FGF11: variants seen among roughly 807,000 people sequenced by gnomAD.
The protein encoded by FGF11 is fibroblast growth factor homologous factor 3.
FGF11 carries 25 observed loss-of-function variants against 25.1 expected under a neutral mutation model. That is an observed-to-expected ratio of 1.00 (90% CI 0.73 to 1.39). The LOEUF (loss-of-function observed/expected upper bound fraction) is 1.39, where lower values mean the gene tolerates loss of function less well. Among genes scored for constraint, FGF11 ranks in the 40% most tolerant of loss-of-function variants. The pLI is 0.00. For synonymous variants in FGF11, 130 were observed against 128.9 expected (o/e 1.01, Z -0.06); for missense variants, 320 against 311.0 (o/e 1.03, Z -0.22).
At position 7,442,580 on chromosome 17, in the gene FGF11, C is replaced by G. The variant is rs766772756; in HGVS notation, c.409-14C>G. 7 of 1,613,996 alleles carry G rather than the reference C, an allele frequency of 4.3e-6. No homozygotes were observed. Among genetic ancestry groups the G allele is most frequent in the African/African-American group, 1.3e-5 (1 of 75,034 alleles). ...TCTGTCTTTGTGCGCCTTTCTGGGT[C>G]TTTGTCTCCTTAGCCGCATTTCACA... On this transcript the variant is annotated splice_polypyrimidine_tract_variant and intron_variant, in intron 3 of 4. Coordinates refer to ENST00000293829, the MANE Select transcript of FGF11 (RefSeq NM_004112.4).
rs772444088 is a variant in FGF11, at chr17:7,441,500, CTG to C, written c.225_226del (p.Phe76LeufsTer54). The C allele has an allele frequency of 6.2e-7, 1 of 1,614,174 alleles. No homozygotes were observed. The highest frequency in any genetic ancestry group is 1.3e-5 in the African/African-American group (1 of 75,034). On this transcript the variant is annotated frameshift_variant, in exon 2 of 5. Transcript: ENST00000293829. LOFTEE classifies it high-confidence loss of function. Reference protein sequence around the residue: ...EPQLKGIVTKLFCRQGFYLQA... With the variant: ...EPQLKGIVTKXFCRQGFYLQA... ...TCAGCTCAAAGGCATCGTCACCAAACTGTTCTGCCGCCAGGGTTTCTACCTCC... is the reference window on the plus strand; with the variant it reads ...TCAGCTCAAAGGCATCGTCACCAAACTTCTGCCGCCAGGGTTTCTACCTCC...
At chr17:7,439,304 T>G, upstream of FGF11, 1 of 269,830 alleles carries the variant, frequency 3.7e-6, no homozygotes, top group East Asian at 6.6e-5. Flanking sequence ...TTGGGATAGG[T>G]GAAGTGAGGA....
intron 1 of FGF11, chr17:7,441,173 T>A: frequency 9.0e-6 from 3 of 332,320 alleles, no homozygotes; most frequent in Non-Finnish European, 1.7e-5. Context: ...CTCCCCTCCC[T>A]CCTCCCCCAC....
rs370633127 is a variant in FGF11, at chr17:7,441,538, C to T, written c.261C>T (p.Pro87=). Residue 87 remains proline, a synonymous_variant, in exon 2 of 5, where the codon CCC becomes CCT. Transcript: ENST00000293829. ...CRQGFYLQAN[P]DGSIQGTPED... ...AGGGTTTCTACCTCCAGGCGAATCC[C>T]GACGGAAGCATCCAGGGCACCCCAG... The T allele has an allele frequency of 5.4e-5, 87 of 1,614,026 alleles. No individual in the cohort carries two copies. The highest frequency in any genetic ancestry group is 2.2e-4 in the Admixed American group (13 of 60,006).
At position 7,444,924 on chromosome 17, in the gene FGF11, T is replaced by G; in HGVS notation, c.*1778T>G. On this transcript the variant is annotated 3_prime_UTR_variant, in exon 5 of 5. Coordinates refer to ENST00000293829, the MANE Select transcript of FGF11 (RefSeq NM_004112.4). The stretch of plus-strand genomic sequence containing the variant: ...CTCCAGCTTTCTCAATTAAAGACGA[T>G]TTATACAACTGAAGTGCTGTCTGTC... 2 of 619,800 alleles carry G rather than the reference T, an allele frequency of 3.2e-6. No homozygotes were observed. The highest frequency in any genetic ancestry group is 5.7e-6 in the Non-Finnish European group (2 of 351,964). The allele number at this position is 619,800 out of a possible 1,614,324, so 38.4% of individuals were successfully genotyped here. A position where few individuals can be genotyped will look rare whatever the true frequency, so the allele number is the denominator to read the frequency against.
intron 4 of FGF11, 77 bp from the exon 5 acceptor site, chr17:7,442,999 T>C: frequency 3.1e-6 from 4 of 1,284,798 alleles, no homozygotes; most frequent in South Asian, 2.5e-5. Flanking sequence ...AAGGGAGCCC[T>C]TTTGGAGCAC....
chr17:7,439,277 T>G, upstream of FGF11: 13 of 211,916 alleles, frequency 6.1e-5, no homozygotes, highest in Middle Eastern at 1.6e-3. Flanking sequence ...GTCTTGGAAA[T>G]TTAGTGGGTC....
In FGF11 at chr17:7,440,063, G is replaced by T; in HGVS notation, c.193+250G>T. 2.6e-6 allele frequency: 1 copy of T among 387,328 alleles called. No individual in the cohort carries two copies. The highest frequency in any genetic ancestry group is 2.1e-5 in the African/African-American group (1 of 48,212). The allele number at this position is 387,328 out of a possible 1,614,324, so 24.0% of individuals were successfully genotyped here. ...TGCCTGGCGCCCCGAAAGCCTCGTA[G>T]TTCCTGCTCGTCCCCCCTTCCCAAC... On this transcript the variant is annotated intron_variant, in intron 1 of 4. Coordinates refer to ENST00000293829, the MANE Select transcript of FGF11 (RefSeq NM_004112.4). The surrounding 1 kb of genome is among the most constrained non-coding windows in gnomAD (Gnocchi z 5.4).
intron 3 of FGF11, 138 bp downstream of exon 3, chr17:7,442,017 CA>C (rs1908352533): frequency 1.6e-6 from 1 of 641,208 alleles, no homozygotes; most frequent in Non-Finnish European, 2.6e-6. Context: ...GATGGCCTGT[CA>C]TCGCTGCCCA....
Position 7,443,399 on chromosome 17 carries a change from T to C in FGF11, c.*253T>C. On this transcript the variant is annotated 3_prime_UTR_variant, in exon 5 of 5. Transcript: ENST00000293829. ...AAGATGGTCCTGGCTGATCACTTCT[T>C]TCTTTCCACACTCACACAACGCCAT... 2.3e-6 allele frequency: 1 copy of C among 443,888 alleles called. No homozygotes were observed. The highest frequency in any genetic ancestry group is 4.0e-6 in the Non-Finnish European group (1 of 250,204). The allele number at this position is 443,888 out of a possible 1,614,324, so 27.5% of individuals were successfully genotyped here.
At position 7,440,674 on chromosome 17, in the gene FGF11, G is replaced by T; in HGVS notation, c.194-797G>T. On this transcript the variant is annotated intron_variant, in intron 1 of 4. Coordinates refer to ENST00000293829, the MANE Select transcript of FGF11 (RefSeq NM_004112.4). This position sits in a 1 kb window ranked among gnomAD's most constrained non-coding sequence, Gnocchi z 5.4. ...TCCCGCCCGCTCCCAGCTCCCCTAA[G>T]GGTAGCCACCTCGCGCCCTCCTCCC... 1.0e-6 allele frequency: 1 copy of T among 985,982 alleles called. No homozygotes were observed. The highest frequency in any genetic ancestry group is 1.2e-6 in the Non-Finnish European group (1 of 830,508). 61.1% of individuals were successfully genotyped at this position (985,982 alleles called of 1,614,324 possible). A position where few individuals can be genotyped will look rare whatever the true frequency, so the allele number is the denominator to read the frequency against.
rs1908280113 is a variant in FGF11 at position 7,440,673 on chromosome 17, A to C, written c.194-798A>C. On this transcript the variant is annotated intron_variant, in intron 1 of 4. Transcript: ENST00000293829. This position sits in a 1 kb window ranked among gnomAD's most constrained non-coding sequence, Gnocchi z 5.4. The stretch of plus-strand genomic sequence containing the variant: ...CTCCCGCCCGCTCCCAGCTCCCCTA[A>C]GGGTAGCCACCTCGCGCCCTCCTCC... 2 of 985,488 alleles carry C rather than the reference A, an allele frequency of 2.0e-6. No homozygotes were observed. The highest frequency in any genetic ancestry group is 9.4e-5 in the South Asian group (2 of 21,288). The allele number at this position is 985,488 out of a possible 1,614,324, so 61.0% of individuals were successfully genotyped here.
chr17:7,439,452 AG>A, upstream of FGF11: 3 of 380,882 alleles, frequency 7.9e-6, no homozygotes, highest in Admixed American at 8.9e-5. Context: ...GCTGCTGTGG[AG>A]GGGGGTACGT....
intron 1 of FGF11, chr17:7,441,100 C>A: frequency 2.9e-6 from 1 of 350,860 alleles, no homozygotes; most frequent in Non-Finnish European, 4.5e-6. Context: ...CCCACCTTCG[C>A]AAACACGCTG....
At chr17:7,442,932 G>A (rs1908400462) in intron 4 of FGF11, 140 bp downstream of exon 4, 2 of 1,201,440 alleles carry the variant, frequency 1.7e-6, no homozygotes, top group African/African-American at 3.0e-5. Context: ...TTGCCCTTTG[G>A]GGGTTTGGGT....
rs752918878 is a variant in FGF11 at position 7,441,473 on chromosome 17, C to T, written c.196C>T (p.Pro66Ser). 3 of 1,614,102 alleles carry T rather than the reference C, an allele frequency of 1.9e-6. No individual in the cohort carries two copies. Among genetic ancestry groups the T allele is most frequent in the Non-Finnish European group, 2.5e-6 (3 of 1,180,012 alleles). The change falls in exon 2 of 5, where the codon CCT becomes TCT. Residue 66 changes from proline to serine, a missense_variant and splice_region_variant. Pro to Ser is a moderately conservative substitution (Grantham distance 74). Coordinates refer to ENST00000293829, the MANE Select transcript of FGF11 (RefSeq NM_004112.4). ...RPARPDRGPEPQLKGIVTKLF... is the reference protein window; with the variant it reads ...RPARPDRGPESQLKGIVTKLF... ...AAGATGAATGTCTCTCTCTCCAGAG[C>T]CTCAGCTCAAAGGCATCGTCACCAA...
At chr17:7,439,295 T>G, upstream of FGF11, 3 of 243,418 alleles carry the variant, frequency 1.2e-5, no homozygotes, top group South Asian at 1.5e-4. Flanking sequence ...GTCTTGGCTT[T>G]GGGATAGGTG....
In FGF11 at chr17:7,443,996, C is replaced by T. The variant is rs954560666; in HGVS notation, c.*850C>T. The T allele has an allele frequency of 2.0e-5, 3 of 152,138 alleles. No homozygotes were observed. The highest frequency in any genetic ancestry group is 2.4e-5 in the African/African-American group (1 of 41,400). The allele number at this position is 152,138 out of a possible 1,614,324, so 9.4% of individuals were successfully genotyped here. A position where few individuals can be genotyped will look rare whatever the true frequency, so the allele number is the denominator to read the frequency against. On this transcript the variant is annotated 3_prime_UTR_variant, in exon 5 of 5. Transcript: ENST00000293829. ...TGTTCTAAGTAAGTTCTAGCCCCAC[C>T]CTCCCGCCTTCTTGAGTGATACCTA...
At chr17:7,442,451 C>T in intron 3 of FGF11, 143 bp from the exon 4 acceptor site, 1 of 1,505,182 alleles carries the variant, frequency 6.6e-7, no homozygotes, top group South Asian at 1.3e-5. Flanking sequence ...CCTCCCTTTG[C>T]TCCCAGGTCC....
Sources: gnomAD v4.1 joint callset for allele counts on GRCh38, gnomAD v4.1.1 for gene constraint, Gnocchi (gnomAD v3.1) non-coding constraint, MANE v1.5 for transcripts, NCBI Gene and HGNC (gene_info 2026-07-23, HGNC 2026-07-21) for gene names.